The following PLPPR4 variants were observed in gnomAD, a reference collection of about 807,000 sequenced individuals.
The protein encoded by PLPPR4 is phospholipid phosphatase related 4.
In PLPPR4, 24 loss-of-function variants were observed where a neutral mutation model predicts 56.6. The observed-to-expected ratio is 0.42, with a 90% CI of 0.31 to 0.60. The LOEUF is 0.60. PLPPR4 is among the 20% of genes least tolerant of loss of function. The pLI is 0.13. For synonymous variants in PLPPR4, 326 were observed against 328.1 expected (o/e 0.99, Z 0.07); for missense variants, 654 against 885.8 (o/e 0.74, Z 3.32).
chr1:99,301,057 C>T, intron 5 of PLPPR4, 91 bp downstream of exon 5: 2 of 1,124,244 alleles, frequency 1.8e-6, no homozygotes, highest in Non-Finnish European at 2.7e-6. Context: ...GATGATATAA[C>T]CATGTAATAA....
chr1:99,263,558 T>A (rs184805942), upstream of PLPPR4, among the ~76,000 whole-genome samples: 63 of 152,318 alleles, frequency 4.1e-4, 1 homozygote, highest in Middle Eastern at 0.014. Flanking sequence ...AATTAGGTCA[T>A]CTTTATTAGT....
In PLPPR4 at chr1:99,306,348, A is replaced by G; in HGVS notation, c.1486A>G (p.Ile496Val). ...CATCCCTGAGGAGACTCAGGAAAAC[A>G]TAAGCACCTCCCCCAAAAGCAGCTC... ...VHIPEETQEN[I>V]STSPKSSSAR... The change falls in exon 7 of 7, where the codon ATA (isoleucine) becomes GTA (valine). Residue 496 changes from isoleucine (I) to valine (V), a missense_variant. Ile to Val is a conservative substitution (Grantham distance 29). Transcript: ENST00000370185. The surrounding 1 kb of genome is among the most constrained non-coding windows in gnomAD (Gnocchi z 4.0). 5 of 1,614,154 alleles carry G rather than the reference A, an allele frequency of 3.1e-6. No individual in the cohort carries two copies. The highest frequency in any genetic ancestry group is 4.2e-6 in the Non-Finnish European group (5 of 1,180,026).
chr1:99,273,335 G>A (rs1456167), intron 1 of PLPPR4, among the ~76,000 whole-genome samples: 13,251 of 151,084 alleles, frequency 0.088, 1,042 homozygotes, highest in African/African-American at 0.2. Flanking sequence ...GGGGAAAGAC[G>A]AGTAATTAAA....
chr1:99,265,608 A>G (rs1050466455), intron 1 of PLPPR4, among the ~76,000 whole-genome samples: 1 of 152,222 alleles, frequency 6.6e-6, no homozygotes, highest in South Asian at 2.1e-4. Context: ...TTTTAGGCAC[A>G]AAACTATATT....
chr1:99,300,935 C>A lies in PLPPR4; in HGVS notation c.617C>A (p.Thr206Asn). The change falls in exon 5 of 7, where the codon ACC becomes AAC. Residue 206 changes from threonine to asparagine, a missense_variant. Physicochemically the swap from Thr to Asn is moderately conservative, Grantham distance 65 (BLOSUM62 0). Transcript: ENST00000370185. Reference protein sequence around the residue: ...GRKSFPSQHATLAAFAAVYVS... With the variant: ...GRKSFPSQHANLAAFAAVYVS... ...AAGTCCTTCCCTTCTCAACATGCAA[C>A]CCTTGCTGCCTTTGCAGCTGTGTAT... The A allele has an allele frequency of 1.2e-6, 2 of 1,612,354 alleles. No individual in the cohort carries two copies. Among genetic ancestry groups the A allele is most frequent in the Non-Finnish European group, 1.7e-6 (2 of 1,178,660 alleles).
intron 1 of PLPPR4, among the ~76,000 whole-genome samples, chr1:99,280,551 C>G (rs1262266787): frequency 2.0e-5 from 3 of 152,062 alleles, no homozygotes; most frequent in Non-Finnish European, 4.4e-5. Context: ...AGTACTTGAT[C>G]TTAGGGCAAG....
rs1467590934 is a variant in PLPPR4, at chr1:99,298,886, T to C, written c.395-149T>C. The C allele has an allele frequency of 4.2e-6, 3 of 714,122 alleles. No individual in the cohort carries two copies. In the Admixed American group the frequency reaches 6.7e-5, roughly 16 times the overall value. 44.2% of individuals were successfully genotyped at this position (714,122 alleles called of 1,614,324 possible). A position where few individuals can be genotyped will look rare whatever the true frequency, so the allele number is the denominator to read the frequency against. The stretch of plus-strand genomic sequence containing the variant: ...GGACTTAAGTATCTGTTTAGAAGTT[T>C]AGGAATTTTCTATACTGTCTTCTTG... On this transcript the variant is annotated intron_variant, in intron 3 of 6. Transcript: ENST00000370185.
intron 2 of PLPPR4, among the ~76,000 whole-genome samples, chr1:99,292,091 G>A (rs1397894629): frequency 6.6e-6 from 1 of 152,106 alleles, no homozygotes; most frequent in Non-Finnish European, 1.5e-5. Flanking sequence ...CTACACAAAT[G>A]ATCATGCCTC....
chr1:99,306,796 A>G lies in PLPPR4; in HGVS notation c.1934A>G (p.Asn645Ser). 2 of 1,614,088 alleles carry G rather than the reference A, an allele frequency of 1.2e-6. No homozygotes were observed. Among genetic ancestry groups the G allele is most frequent in the Non-Finnish European group, 1.7e-6 (2 of 1,180,002 alleles). The change falls in exon 7 of 7, where the codon AAT becomes AGT. Residue 645 changes from asparagine (N) to serine (S), a missense_variant. This residue lies in a region of PLPPR4 where 468 missense variants were observed against 554.3 expected (regional missense o/e 0.84). Transcript: ENST00000370185. The surrounding 1 kb of genome is among the most constrained non-coding windows in gnomAD (Gnocchi z 4.0). ...CGCAAGAGAAGCAACATTGATAGCA[A>G]TGAGCATCACCACCACGGAATTACC... Reference protein sequence around the residue: ...GDRKRSNIDSNEHHHHGITTI... With the variant: ...GDRKRSNIDSSEHHHHGITTI...
intron 1 of PLPPR4, among the ~76,000 whole-genome samples, chr1:99,279,299 C>T (rs1659265863): frequency 6.6e-6 from 1 of 152,182 alleles, no homozygotes; most frequent in Non-Finnish European, 1.5e-5. Flanking sequence ...CCGAAGGAAG[C>T]ACTAAAAGCA....
intron 4 of PLPPR4, 103 bp from the exon 5 acceptor site, chr1:99,300,806 T>C (rs1659867535): frequency 2.4e-6 from 2 of 845,532 alleles, no homozygotes; most frequent in African/African-American, 1.7e-5. Context: ...CTTATTGCCT[T>C]GTGACTTTTA....
At chr1:99,291,359 C>T (rs1570917821) in intron 2 of PLPPR4, among the ~76,000 whole-genome samples, 1 of 152,186 alleles carries the variant, frequency 6.6e-6, no homozygotes, top group Non-Finnish European at 1.5e-5. Flanking sequence ...TTGTGAAAGA[C>T]AGAGTGGTGA....
Position 99,308,064 on chromosome 1 carries a change from C to T in PLPPR4, c.*1054C>T, listed in dbSNP as rs1213761488. ...TGCCAGAAATGTTGGTCAAGTTTGC[C>T]CTTAGATGTCTACAACTAGCTGGCA... On this transcript the variant is annotated 3_prime_UTR_variant, in exon 7 of 7. Transcript: ENST00000370185. The T allele has an allele frequency of 1.3e-5, 2 of 152,114 alleles. No homozygotes were observed. Among genetic ancestry groups the T allele is most frequent in the Non-Finnish European group, 2.9e-5 (2 of 68,024 alleles). The allele number at this position is 152,114 out of a possible 1,614,324, so 9.4% of individuals were successfully genotyped here.
rs1467154077 is a variant in PLPPR4, at chr1:99,306,499, A to G, written c.1637A>G (p.Lys546Arg). 1 of 1,614,188 alleles carries G rather than the reference A, an allele frequency of 6.2e-7. No individual in the cohort carries two copies. Among genetic ancestry groups the G allele is most frequent in the Admixed American group, 1.7e-5 (1 of 60,032 alleles). The change falls in exon 7 of 7, where the codon AAG becomes AGG. Residue 546 changes from lysine to arginine, a missense_variant. Lys to Arg is a conservative substitution (Grantham distance 26). Transcript: ENST00000370185. The surrounding 1 kb of genome is among the most constrained non-coding windows in gnomAD (Gnocchi z 4.0). ...CAGGGTGTCCTCCAAAGCAGCCCCA[A>G]GAACACTGAAGGCAGCACGGTCTCC... is the stretch of plus-strand genomic sequence containing the variant. The part of the protein sequence containing the change: ...KQQGVLQSSP[K>R]NTEGSTVSCT...
rs1473817960 is a variant in PLPPR4 at position 99,307,216 on chromosome 1, C to T, written c.*206C>T. ...AAGCACAATGCAAGAACCTAACTAA[C>T]GTGATGATATGAAGAGTTTTCTTAA... On this transcript the variant is annotated 3_prime_UTR_variant, in exon 7 of 7. Coordinates refer to ENST00000370185, the MANE Select transcript of PLPPR4 (RefSeq NM_014839.5). 5 of 562,442 alleles carry T rather than the reference C, an allele frequency of 8.9e-6. No homozygotes were observed. The highest frequency in any genetic ancestry group is 1.2e-5 in the Non-Finnish European group (4 of 330,098). 34.8% of individuals were successfully genotyped at this position (562,442 alleles called of 1,614,324 possible).
At chr1:99,282,357 G>A (rs1161293665) in intron 1 of PLPPR4, among the ~76,000 whole-genome samples, 2 of 152,118 alleles carry the variant, frequency 1.3e-5, no homozygotes, top group Non-Finnish European at 2.9e-5. Flanking sequence ...AGTACATGCT[G>A]TCTCATCTCT....
At chr1:99,272,073 A>G (rs546071859) in intron 1 of PLPPR4, among the ~76,000 whole-genome samples, 1 of 152,304 alleles carries the variant, frequency 6.6e-6, no homozygotes, top group South Asian at 2.1e-4. Context: ...TATTACAAAT[A>G]TTACTCAAAG....
At chr1:99,271,899 A>AGTGTGTGT (rs553822029) in intron 1 of PLPPR4, among the ~76,000 whole-genome samples, 1 of 117,952 alleles carries the variant, frequency 8.5e-6, no homozygotes, top group Non-Finnish European at 1.8e-5. Context: ...GTAGGAGTGA[A>AGTGTGTGT]GTGTGTGTGT....
chr1:99,293,158 G>A (rs545226005), intron 2 of PLPPR4, among the ~76,000 whole-genome samples: 13 of 152,220 alleles, frequency 8.5e-5, no homozygotes, highest in South Asian at 4.1e-4. Flanking sequence ...AAAAGGCCTC[G>A]CTTCAGCCAG....
Sources: gnomAD v4.1 joint callset for allele counts (sites outside exome capture counted in the v4.1 genomes callset) on GRCh38, gnomAD v4.1.1 for gene constraint, gnomAD v4.1.1 regional missense constraint, Gnocchi (gnomAD v3.1) non-coding constraint, MANE v1.5 for transcripts, NCBI Gene and HGNC (gene_info 2026-07-23, HGNC 2026-07-21) for gene names.